The following CREBBP variants were observed in gnomAD, a reference collection of about 807,000 sequenced individuals.
CREBBP encodes the protein CREB-binding protein.
CREBBP carries 19 observed loss-of-function variants against 265.0 expected under a neutral mutation model. The observed-to-expected ratio is 0.07, with a 90% CI of 0.05 to 0.11. CREBBP has a LOEUF of 0.11. Ranked by LOEUF, CREBBP falls within the 10% of genes least tolerant of loss-of-function variation. The probability of loss-of-function intolerance (pLI) is 1.00; values close to 1 mark genes in which losing one functional copy is unlikely to be tolerated. For missense variants in CREBBP, 2,525 were observed against 3,219.0 expected, an observed-to-expected ratio of 0.78 and a Z score of 5.22; for synonymous variants, 1,457 against 1,223.7, an observed-to-expected ratio of 1.19 and a Z score of -3.98.
At chr16:3,763,558 G>T (rs916056743) in intron 16 of CREBBP, among the ~76,000 whole-genome samples, 4 of 151,926 alleles carry the variant, frequency 2.6e-5, no homozygotes, top group Non-Finnish European at 5.9e-5. Flanking sequence ...CCGCCTCCTG[G>T]GTTCAAGTGA....
At chr16:3,853,185 A>C (rs2054889189) in intron 1 of CREBBP, among the ~76,000 whole-genome samples, 1 of 152,178 alleles carries the variant, frequency 6.6e-6, no homozygotes, top group Admixed American at 6.5e-5. Flanking sequence ...CGCTGTTGTG[A>C]GGACCAAATG....
chr16:3,865,696 T>C (rs2055162593), intron 1 of CREBBP, among the ~76,000 whole-genome samples: 1 of 152,020 alleles, frequency 6.6e-6, no homozygotes, highest in African/African-American at 2.4e-5. Context: ...TGGAATGTAG[T>C]GGCGCGACCT....
In CREBBP at chr16:3,880,380, C is replaced by T; in HGVS notation, c.-464G>A. On this transcript the variant is annotated 5_prime_UTR_variant, in exon 1 of 31. Coordinates refer to ENST00000262367, the MANE Select transcript of CREBBP (RefSeq NM_004380.3). The stretch of plus-strand genomic sequence containing the variant: ...TCGCGGCCCGACGACGAGGGGGCTC[C>T]GGGCTCCGCTCCCGGCCCGCGGCCC... The T allele has an allele frequency of 7.0e-6, 1 of 143,670 alleles. No homozygotes were observed. The highest frequency in any genetic ancestry group is 1.5e-5 in the Non-Finnish European group (1 of 64,690). The allele number at this position is 143,670 out of a possible 1,614,324, so 8.9% of individuals were successfully genotyped here.
At chr16:3,832,894 G>GA (rs201248707) in intron 2 of CREBBP, among the ~76,000 whole-genome samples, 1,667 of 143,934 alleles carry the variant, frequency 0.012, 34 homozygotes, top group African/African-American at 0.039. Context: ...CACATTCAAA[G>GA]AAAAAAAAAA....
intron 2 of CREBBP, among the ~76,000 whole-genome samples, chr16:3,847,142 G>GA (rs964237741): frequency 2.0e-5 from 3 of 151,398 alleles, no homozygotes; most frequent in East Asian, 1.9e-4. Flanking sequence ...CTATCAGTAA[G>GA]AAAAAAAAAT....
At chr16:3,825,528 T>C (rs928131557) in intron 2 of CREBBP, among the ~76,000 whole-genome samples, 1 of 152,122 alleles carries the variant, frequency 6.6e-6, no homozygotes, top group African/African-American at 2.4e-5. Context: ...CAGCTCTAAG[T>C]GGAGGGCTCT....
intron 1 of CREBBP, among the ~76,000 whole-genome samples, chr16:3,863,911 CA>C (rs61104115): frequency 0.015 from 2,208 of 152,246 alleles, 19 homozygotes; most frequent in Middle Eastern, 0.068. Flanking sequence ...TCATCTGGGA[CA>C]GGGGAGCAAA....
At chr16:3,772,125 G>A (rs1461220810) in intron 13 of CREBBP, among the ~76,000 whole-genome samples, 2 of 151,696 alleles carry the variant, frequency 1.3e-5, no homozygotes, top group Admixed American at 6.6e-5. Flanking sequence ...TAAGCTTCAT[G>A]TTCTATAACA....
intron 2 of CREBBP, among the ~76,000 whole-genome samples, chr16:3,842,570 C>G (rs1238831494): frequency 6.6e-6 from 1 of 151,680 alleles, no homozygotes; most frequent in African/African-American, 2.4e-5. Flanking sequence ...CAAAAGTAAA[C>G]AAAAGAAAAA....
In CREBBP at chr16:3,745,372, C is replaced by A. The variant is rs780739661; in HGVS notation, c.3837-18G>T. ...CAACGAAACTAGGAGGCAAAGAAGGCGCACTGTTAAAGCACACGGAACCAC... is the reference window on the plus strand; with the variant it reads ...CAACGAAACTAGGAGGCAAAGAAGGAGCACTGTTAAAGCACACGGAACCAC... On this transcript the variant is annotated intron_variant, in intron 21 of 30. Transcript: ENST00000262367. 9 of 1,612,754 alleles carry A rather than the reference C, an allele frequency of 5.6e-6. No individual in the cohort carries two copies. The highest frequency in any genetic ancestry group is 2.2e-5 in the South Asian group (2 of 90,912).
At chr16:3,793,086 G>A (rs748363332) in intron 4 of CREBBP, among the ~76,000 whole-genome samples, 1 of 152,230 alleles carries the variant, frequency 6.6e-6, no homozygotes, top group Non-Finnish European at 1.5e-5. Context: ...TGCTCAAGAA[G>A]TGACCAATGT....
At chr16:3,866,804 A>G (rs1322454545) in intron 1 of CREBBP, among the ~76,000 whole-genome samples, 2 of 152,152 alleles carry the variant, frequency 1.3e-5, no homozygotes, top group South Asian at 4.1e-4. Flanking sequence ...AAAGAGATCT[A>G]ATTATCATTT....
intron 3 of CREBBP, among the ~76,000 whole-genome samples, chr16:3,805,680 G>A (rs950682656): frequency 1.3e-5 from 2 of 152,146 alleles, no homozygotes; most frequent in Admixed American, 6.5e-5. Flanking sequence ...GGGGAGTGGG[G>A]GAAGATTAGT....
In CREBBP at chr16:3,727,650, T is replaced by C. The variant is rs147393693; in HGVS notation, c.*68A>G. The C allele has an allele frequency of 1.7e-4, 268 of 1,613,278 alleles. No homozygotes were observed. In the East Asian group the frequency reaches 4.3e-3, roughly 26 times the overall value. On this transcript the variant is annotated 3_prime_UTR_variant, in exon 31 of 31. Transcript: ENST00000262367. Reference sequence around the variant, plus strand: ...GTTCCATCTAGGAATAAAAAGAACCTAGATGCCTGGATTTTCAGTACAAAA... The same window carrying C: ...GTTCCATCTAGGAATAAAAAGAACCCAGATGCCTGGATTTTCAGTACAAAA...
intron 19 of CREBBP, among the ~76,000 whole-genome samples, chr16:3,752,234 GA>G (rs1478038992): frequency 1.3e-5 from 2 of 152,150 alleles, no homozygotes; most frequent in African/African-American, 4.8e-5. Flanking sequence ...CTTACTCAGA[GA>G]AAGTCAAATA....
intron 1 of CREBBP, among the ~76,000 whole-genome samples, chr16:3,865,927 C>A (rs1270756130): frequency 7.9e-5 from 12 of 152,180 alleles, no homozygotes; most frequent in Admixed American, 7.9e-4. Flanking sequence ...GAGCCCACCG[C>A]GCCCGGCCAA....
intron 1 of CREBBP, among the ~76,000 whole-genome samples, chr16:3,864,432 T>C: frequency 6.6e-6 from 1 of 151,900 alleles, no homozygotes; most frequent in East Asian, 1.9e-4. Context: ...ACTGCTTGGG[T>C]CCAGTAGTTC....
intron 20 of CREBBP, among the ~76,000 whole-genome samples, chr16:3,751,386 T>G (rs1388268843): frequency 6.6e-6 from 1 of 152,196 alleles, no homozygotes; most frequent in African/African-American, 2.4e-5. Context: ...GTCTAGGAGT[T>G]TGAGACTAGC....
At chr16:3,827,895 T>C (rs917408888) in intron 2 of CREBBP, among the ~76,000 whole-genome samples, 1 of 152,048 alleles carries the variant, frequency 6.6e-6, no homozygotes, top group African/African-American at 2.4e-5. Flanking sequence ...TCTCACTGTG[T>C]TGCCCACACT....
Sources: gnomAD v4.1 joint callset for allele counts (sites outside exome capture counted in the v4.1 genomes callset) on GRCh38, gnomAD v4.1.1 for gene constraint, MANE v1.5 for transcripts, NCBI Gene and HGNC (gene_info 2026-07-23, HGNC 2026-07-21) for gene names.